Variants in ADGRA3 observed in about 807,000 individuals in gnomAD.
ADGRA3 encodes G-protein coupled receptor 125.
In ADGRA3, 56 loss-of-function variants were observed where a neutral mutation model predicts 119.8. The observed-to-expected ratio is 0.47, with a 90% CI of 0.38 to 0.58. The LOEUF (loss-of-function observed/expected upper bound fraction) is 0.58, where lower values mean the gene tolerates loss of function less well. ADGRA3 is among the 20% of genes least tolerant of loss of function. The probability of loss-of-function intolerance (pLI) is 0.00; values close to 1 mark genes in which losing one functional copy is unlikely to be tolerated. For missense variants in ADGRA3, 1,516 were observed against 1,649.0 expected (o/e 0.92, Z 1.40); for synonymous variants, 607 against 623.8 (o/e 0.97, Z 0.40).
intron 3 of ADGRA3, chr4:22,455,844 T>C (rs1440710547): frequency 1.6e-6 from 2 of 1,287,032 alleles, no homozygotes; most frequent in Non-Finnish European, 2.0e-6. Flanking sequence ...TTGTTTTCAG[T>C]GGACTTAGCC....
chr4:22,514,170 A>G (rs936404978), intron 1 of ADGRA3, among the ~76,000 whole-genome samples: 4 of 152,108 alleles, frequency 2.6e-5, no homozygotes, highest in African/African-American at 9.7e-5. Context: ...CAGAGTAACA[A>G]AGAAAATCTC....
chr4:22,489,176 G>C (rs1038166537), intron 1 of ADGRA3, among the ~76,000 whole-genome samples: 13 of 152,246 alleles, frequency 8.5e-5, no homozygotes, highest in South Asian at 8.3e-4. Flanking sequence ...GAGAATGAGA[G>C]CCAAGCAACA....
Position 22,413,329 on chromosome 4 carries a change from A to C in ADGRA3, c.2085T>G (p.His695Gln). 6.2e-7 allele frequency: 1 copy of C among 1,614,120 alleles called. No homozygotes were observed. The highest frequency in any genetic ancestry group is 1.1e-5 in the South Asian group (1 of 91,086). Residue 695 changes from histidine to glutamine, a missense_variant, in exon 14 of 19, where the codon CAT becomes CAG. By Grantham distance (24) the His-to-Gln change is conservative. Transcript: ENST00000334304. ...ACCGGGCTGCAACAGCATCTGCTCC[A>C]TGTGCAATTCGACGCAGTGTCACAT... ...PVNVTLRRIAHGADAVAARWD... is the reference protein window; with the variant it reads ...PVNVTLRRIAQGADAVAARWD...
chr4:22,389,245 T>C (rs543722631), intron 17 of ADGRA3, 62 bp from the exon 18 acceptor site: 26 of 1,073,826 alleles, frequency 2.4e-5, no homozygotes, highest in Non-Finnish European at 3.7e-5. Context: ...GTATCTCTCA[T>C]AATGTCTCAG....
chr4:22,503,364 G>A (rs1211091191), intron 1 of ADGRA3, among the ~76,000 whole-genome samples: 1 of 152,138 alleles, frequency 6.6e-6, no homozygotes, highest in African/African-American at 2.4e-5. Context: ...AAAGAATCAG[G>A]AAGAATTGCA....
chr4:22,503,249 C>T (rs1244371815), intron 1 of ADGRA3, among the ~76,000 whole-genome samples: 1 of 152,158 alleles, frequency 6.6e-6, no homozygotes, highest in African/African-American at 2.4e-5. Context: ...AAACAAACAG[C>T]AGGTTAAAAA....
chr4:22,444,883 G>A, intron 6 of ADGRA3, 90 bp downstream of exon 6: 1 of 1,310,174 alleles, frequency 7.6e-7, no homozygotes, highest in Non-Finnish European at 1.1e-6. Flanking sequence ...TTCTGTCCAA[G>A]TATAAAGAGA....
chr4:22,443,814 A>G (rs1218460516), intron 6 of ADGRA3, among the ~76,000 whole-genome samples: 1 of 152,190 alleles, frequency 6.6e-6, no homozygotes, highest in African/African-American at 2.4e-5. Context: ...GAACATAAAC[A>G]TGGTCTTTGT....
At chr4:22,461,543 A>G (rs934421405) in intron 3 of ADGRA3, among the ~76,000 whole-genome samples, 194 bp downstream of exon 3, 1 of 151,586 alleles carries the variant, frequency 6.6e-6, no homozygotes, top group African/African-American at 2.4e-5. Context: ...CAGGTGATCC[A>G]CCCGCCTCAG....
Position 22,435,372 on chromosome 4 carries a change from A to T in ADGRA3, c.1382T>A (p.Ile461Lys). 2 of 1,613,538 alleles carry T rather than the reference A, an allele frequency of 1.2e-6. No individual in the cohort carries two copies. Among genetic ancestry groups the T allele is most frequent in the Non-Finnish European group, 8.5e-7 (1 of 1,179,550 alleles). Residue 461 changes from isoleucine to lysine, a missense_variant, in exon 10 of 19, where the codon ATA becomes AAA. Coordinates refer to ENST00000334304, the MANE Select transcript of ADGRA3 (RefSeq NM_145290.4). ...TTTTTCAATCATTTCTGCCACAAAT[A>T]TAACATCCATTTTGTCAGAAAAGTT... ...AANFSDKMDV[I>K]FVAEMIEKFG...
chr4:22,450,070 G>T (rs1716978362), intron 4 of ADGRA3, among the ~76,000 whole-genome samples: 1 of 152,068 alleles, frequency 6.6e-6, no homozygotes, highest in Non-Finnish European at 1.5e-5. Context: ...GATTTGGGGG[G>T]ACATAAGCAA....
intron 1 of ADGRA3, among the ~76,000 whole-genome samples, chr4:22,512,362 A>T (rs772075171): frequency 6.6e-6 from 1 of 151,992 alleles, no homozygotes; most frequent in Admixed American, 6.6e-5. Context: ...TTAGTCATGA[A>T]TTTTTCTCCC....
At chr4:22,450,241 C>G (rs1371056773) in intron 4 of ADGRA3, among the ~76,000 whole-genome samples, 3 of 151,742 alleles carry the variant, frequency 2.0e-5, no homozygotes, top group African/African-American at 7.3e-5. Context: ...AGGTAAGTTA[C>G]CCACCCACCC....
Position 22,436,594 on chromosome 4 carries a change from C to T in ADGRA3, c.1133G>A (p.Arg378Gln), listed in dbSNP as rs535789557. The T allele has an allele frequency of 6.6e-5, 107 of 1,614,028 alleles. 2 individuals carry two copies. In the South Asian group the frequency reaches 7.6e-4, roughly 11 times the overall value. The change falls in exon 9 of 19, where the codon CGG becomes CAG. Residue 378 changes from arginine (R) to glutamine (Q), a missense_variant. Coordinates refer to ENST00000334304, the MANE Select transcript of ADGRA3 (RefSeq NM_145290.4). ...AGITAYLQCT[R>Q]NTHGSGIYPG... ...ATATATCCCACTGCCATGGGTGTTCCGCGTACACTGCAGATATGCAGTAAT... is the reference window on the plus strand; with the variant it reads ...ATATATCCCACTGCCATGGGTGTTCTGCGTACACTGCAGATATGCAGTAAT...
At chr4:22,423,801 G>A (rs1206216359) in intron 11 of ADGRA3, among the ~76,000 whole-genome samples, 3 of 152,204 alleles carry the variant, frequency 2.0e-5, no homozygotes, top group Non-Finnish European at 2.9e-5. Flanking sequence ...CTATGGGTAT[G>A]TGCCAGTGGG....
chr4:22,494,625 C>G (rs1389247353), intron 1 of ADGRA3, among the ~76,000 whole-genome samples: 3 of 151,844 alleles, frequency 2.0e-5, no homozygotes, highest in Admixed American at 2.0e-4. Context: ...CACATATTAT[C>G]CTAAATAAAA....
chr4:22,412,061 C>T (rs556428984), intron 14 of ADGRA3, among the ~76,000 whole-genome samples: 26 of 151,978 alleles, frequency 1.7e-4, no homozygotes, highest in Non-Finnish European at 3.4e-4. Flanking sequence ...AAGAAAAATT[C>T]ATGAAATGTA....
chr4:22,440,110 T>C (rs1282174429), intron 7 of ADGRA3, among the ~76,000 whole-genome samples: 3 of 152,332 alleles, frequency 2.0e-5, no homozygotes, highest in African/African-American at 7.2e-5. Flanking sequence ...CAATGACTTT[T>C]ACACGTAGCA....
At chr4:22,446,603 C>CT (rs1175550456) in intron 5 of ADGRA3, among the ~76,000 whole-genome samples, 3 of 151,992 alleles carry the variant, frequency 2.0e-5, no homozygotes, top group Non-Finnish European at 4.4e-5. Context: ...CTCCTAATAG[C>CT]TATTAGCTAC....
Sources: gnomAD v4.1 joint callset for allele counts (sites outside exome capture counted in the v4.1 genomes callset) on GRCh38, gnomAD v4.1.1 for gene constraint, MANE v1.5 for transcripts, NCBI Gene and HGNC (gene_info 2026-07-23, HGNC 2026-07-21) for gene names.